The following CAMTA1 variants were observed in gnomAD, a reference collection of about 807,000 sequenced individuals.
CAMTA1 encodes calmodulin-binding transcription activator 1.
In CAMTA1, 27 loss-of-function variants were observed where a neutral mutation model predicts 170.9. The ratio of observed to expected loss-of-function variants is 0.16; its 90% confidence interval spans 0.12 to 0.22. CAMTA1 has a LOEUF of 0.22. Among genes scored for constraint, CAMTA1 ranks in the 10% least tolerant of loss-of-function variants. The probability of loss-of-function intolerance (pLI) is 1.00; values close to 1 mark genes in which losing one functional copy is unlikely to be tolerated. For missense variants in CAMTA1, 1,619 were observed against 2,217.2 expected (o/e 0.73, Z 5.42); for synonymous variants, 833 against 891.5 (o/e 0.93, Z 1.17).
intron 6 of CAMTA1, among the ~76,000 whole-genome samples, chr1:7,581,220 G>T (rs1174610585): frequency 6.6e-6 from 1 of 152,224 alleles, no homozygotes; most frequent in African/African-American, 2.4e-5. Flanking sequence ...TAGGAAGTTT[G>T]GTTGTCATTC....
intron 1 of CAMTA1, among the ~76,000 whole-genome samples, chr1:6,799,379 C>T (rs766078259): frequency 4.6e-5 from 7 of 152,210 alleles, no homozygotes; most frequent in Non-Finnish European, 1.0e-4. Flanking sequence ...TGTACTCTTT[C>T]ACTAGCTGGG....
At position 7,430,032 on chromosome 1, in the gene CAMTA1, G is replaced by A. The variant is rs184768300; in HGVS notation, c.439-37798G>A. Among the ~76,000 whole-genome samples, 5 of 152,258 alleles carry A rather than the reference G, an allele frequency of 3.3e-5. No individual in the cohort carries two copies. The East Asian group carries it at 5.8e-4, about 18-fold the overall frequency. On this transcript the variant is annotated intron_variant, in intron 5 of 22. Coordinates refer to ENST00000303635, the MANE Select transcript of CAMTA1 (RefSeq NM_015215.4). ...CCCACCAGGCCCTACCTCCAGCATT[G>A]GGGATTACATTTCAACATGAAATTT... is the stretch of plus-strand genomic sequence containing the variant.
At chr1:7,437,760 C>T (rs541276372) in intron 5 of CAMTA1, among the ~76,000 whole-genome samples, 1 of 152,322 alleles carries the variant, frequency 6.6e-6, no homozygotes, top group South Asian at 2.1e-4. Flanking sequence ...GCTGCCTCCC[C>T]AGCTGGCCCT....
chr1:7,540,468 A>T (rs1437353067), intron 6 of CAMTA1, among the ~76,000 whole-genome samples: 2 of 152,126 alleles, frequency 1.3e-5, no homozygotes. Context: ...TGCTGGGGAG[A>T]ATAGAAGCTG....
intron 6 of CAMTA1, among the ~76,000 whole-genome samples, chr1:7,514,078 C>A (rs1557848631): frequency 6.6e-6 from 1 of 152,228 alleles, no homozygotes; most frequent in Non-Finnish European, 1.5e-5. Context: ...TTCTGGGGCA[C>A]TGGGGACTTC....
intron 5 of CAMTA1, among the ~76,000 whole-genome samples, chr1:7,335,773 A>T (rs372945813): frequency 4.0e-5 from 1 of 25,274 alleles, no homozygotes; most frequent in African/African-American, 1.2e-4. Context: ...AGATAACGTT[A>T]AAAAAAAAAA....
rs573940557 is a variant in CAMTA1 at position 7,647,448 on chromosome 1, T to A, written c.664+6895T>A. On this transcript the variant is annotated intron_variant, in intron 7 of 22. Coordinates refer to ENST00000303635, the MANE Select transcript of CAMTA1 (RefSeq NM_015215.4). The stretch of plus-strand genomic sequence containing the variant: ...CAGTGGCAGCGGCCCCGCTCGGAGA[T>A]GGGAGCCCCAGGGAAGCCTGACTCC... Among the ~76,000 whole-genome samples the A allele has an allele frequency of 1.6e-4, 24 of 152,206 alleles. No individual in the cohort carries two copies. The East Asian group carries it at 4.4e-3, about 28-fold the overall frequency.
chr1:7,297,093 C>A (rs958595652), intron 5 of CAMTA1, among the ~76,000 whole-genome samples: 3 of 152,120 alleles, frequency 2.0e-5, no homozygotes, highest in African/African-American at 7.2e-5. Context: ...CCTAATTTTG[C>A]AAAAATAATT....
Position 6,792,342 on chromosome 1 carries a change from G to GT in CAMTA1, c.45+6782dup, listed in dbSNP as rs75615458. On this transcript the variant is annotated intron_variant, in intron 1 of 22. Coordinates refer to ENST00000303635, the MANE Select transcript of CAMTA1 (RefSeq NM_015215.4). ...AAGGGTGAGTAAAGGGTGGTTTTGG[G>GT]TTTTTTTTTTTTTTTGCCATCAGTA... Among the ~76,000 whole-genome samples the GT allele has an allele frequency of 6.3e-3, 850 of 133,924 alleles. 6 individuals carry two copies. The highest frequency in any genetic ancestry group is 0.022 in the Middle Eastern group (6 of 270). The allele number at this position is 133,924 out of a possible 152,430, so 87.9% of individuals were successfully genotyped here. A position where few individuals can be genotyped will look rare whatever the true frequency, so the allele number is the denominator to read the frequency against.
intron 3 of CAMTA1, among the ~76,000 whole-genome samples, chr1:6,928,029 ACT>A (rs1259279101): frequency 6.6e-6 from 1 of 151,284 alleles, no homozygotes; most frequent in Non-Finnish European, 1.5e-5. Context: ...GCCAGGCTCC[ACT>A]CTCTCCGCTC....
In CAMTA1 at chr1:6,849,342, A is replaced by G. The variant is rs1659521053; in HGVS notation, c.234+24132A>G. ...GATTTGGGACCTAGAGAGAGCTCAA[A>G]GAAGCTGAGAGTACGGATAAAATTT... On this transcript the variant is annotated intron_variant, in intron 3 of 22. Coordinates refer to ENST00000303635, the MANE Select transcript of CAMTA1 (RefSeq NM_015215.4). 2.0e-5 allele frequency among the ~76,000 whole-genome samples: 3 copies of G among 152,206 alleles called. No homozygotes were observed. In the South Asian group the frequency reaches 6.2e-4, roughly 32 times the overall value.
intron 6 of CAMTA1, among the ~76,000 whole-genome samples, chr1:7,524,521 G>A (rs1016328765): frequency 6.6e-6 from 1 of 152,122 alleles, no homozygotes; most frequent in African/African-American, 2.4e-5. Flanking sequence ...GTTGGGTGAG[G>A]GCGGTGCAAG....
intron 4 of CAMTA1, among the ~76,000 whole-genome samples, chr1:7,215,085 A>G (rs563801858): frequency 2.0e-5 from 3 of 152,102 alleles, no homozygotes; most frequent in African/African-American, 7.2e-5. Context: ...ATAAGCCTTC[A>G]TCTGTATCCT....
At position 7,286,369 on chromosome 1, in the gene CAMTA1, C is replaced by T. The variant is rs934916352; in HGVS notation, c.438+36743C>T. On this transcript the variant is annotated intron_variant, in intron 5 of 22. Transcript: ENST00000303635. The surrounding 1 kb of genome is among the most constrained non-coding windows in gnomAD (Gnocchi z 4.2). ...AGGTCTATGGGTGGTCCTGGAAGAT[C>T]GTCATGGGGGTCTTCAGCTATTGGT... is the stretch of plus-strand genomic sequence containing the variant. Among the ~76,000 whole-genome samples the T allele has an allele frequency of 1.3e-5, 2 of 152,194 alleles. No individual in the cohort carries two copies. Among genetic ancestry groups the T allele is most frequent in the Admixed American group, 6.5e-5 (1 of 15,270 alleles).
intron 4 of CAMTA1, among the ~76,000 whole-genome samples, chr1:7,225,126 C>G (rs772604980): frequency 6.6e-6 from 1 of 152,034 alleles, no homozygotes; most frequent in African/African-American, 2.4e-5. Context: ...GCTCTTTTGC[C>G]CAGGTTGGAG....
At position 7,674,334 on chromosome 1, in the gene CAMTA1, AG is replaced by A. The variant is rs775575386; in HGVS notation, c.2780-3262del. Reference sequence around the variant, plus strand: ...CCCACCAAGTTAGGGCAGTGAGCTGAGGGCAGTGAGCAGCAGTGAGTGAGAG... The same window carrying A: ...CCCACCAAGTTAGGGCAGTGAGCTGAGGCAGTGAGCAGCAGTGAGTGAGAG... On this transcript the variant is annotated intron_variant, in intron 10 of 22. Coordinates refer to ENST00000303635, the MANE Select transcript of CAMTA1 (RefSeq NM_015215.4). The surrounding 1 kb of genome is among the most constrained non-coding windows in gnomAD (Gnocchi z 4.1). 1.5e-5 allele frequency among the ~76,000 whole-genome samples: 2 copies of A among 133,386 alleles called. No individual in the cohort carries two copies. Among genetic ancestry groups the A allele is most frequent in the Non-Finnish European group, 3.4e-5 (2 of 58,240 alleles). The allele number at this position is 133,386 out of a possible 152,430, so 87.5% of individuals were successfully genotyped here. A position where few individuals can be genotyped will look rare whatever the true frequency, so the allele number is the denominator to read the frequency against.
rs187117136 is a variant in CAMTA1, at chr1:7,015,715, T to A, written c.235-75589T>A. Among the ~76,000 whole-genome samples, 19 of 152,106 alleles carry A rather than the reference T, an allele frequency of 1.2e-4. 1 individual carries two copies. In the East Asian group the frequency reaches 2.3e-3, roughly 19 times the overall value. ...CTGGGCAATTTATATAGAAAAAAGG[T>A]TTAATTGGCTCACATTTCTGCAGGC... is the stretch of plus-strand genomic sequence containing the variant. On this transcript the variant is annotated intron_variant, in intron 3 of 22. Coordinates refer to ENST00000303635, the MANE Select transcript of CAMTA1 (RefSeq NM_015215.4).
At chr1:7,500,653 G>A (rs375534820) in intron 6 of CAMTA1, among the ~76,000 whole-genome samples, 1 of 152,156 alleles carries the variant, frequency 6.6e-6, no homozygotes, top group African/African-American at 2.4e-5. Flanking sequence ...TGCTCAGGCC[G>A]TGTTCCTGCC....
At chr1:7,630,479 G>A (rs962275288) in intron 6 of CAMTA1, among the ~76,000 whole-genome samples, 1 of 152,252 alleles carries the variant, frequency 6.6e-6, no homozygotes, top group African/African-American at 2.4e-5. Context: ...CCCGCACCAG[G>A]TGGAAATTGT....
Sources: gnomAD v4.1 joint callset for allele counts (sites outside exome capture counted in the v4.1 genomes callset) on GRCh38, gnomAD v4.1.1 for gene constraint, Gnocchi (gnomAD v3.1) non-coding constraint, MANE v1.5 for transcripts, NCBI Gene and HGNC (gene_info 2026-07-23, HGNC 2026-07-21) for gene names.